The following ASAP1 variants were observed in gnomAD, a reference collection of about 807,000 sequenced individuals.
ASAP1 encodes arf-GAP with SH3 domain, ANK repeat and PH domain-containing protein 1.
In ASAP1, 43 loss-of-function variants were observed where a neutral mutation model predicts 145.2. That is an observed-to-expected ratio of 0.30 (90% CI 0.23 to 0.38). ASAP1 has a LOEUF of 0.38. ASAP1 is among the 10% of genes least tolerant of loss of function. The pLI is 1.00. For missense variants in ASAP1, 1,018 were observed against 1,355.3 expected (o/e 0.75, Z 3.91); for synonymous variants, 546 against 515.5 (o/e 1.06, Z -0.80).
At chr8:130,094,666 GGGATAA>G (rs1451305979) in intron 24 of ASAP1, among the ~76,000 whole-genome samples, 1 of 152,178 alleles carries the variant, frequency 6.6e-6, no homozygotes, top group Middle Eastern at 3.2e-3. Context: ...GGGCAGAGCT[GGGATAA>G]GGCAGGTGTC....
intron 9 of ASAP1, among the ~76,000 whole-genome samples, chr8:130,175,146 T>C (rs756670577): frequency 5.7e-4 from 87 of 152,168 alleles, no homozygotes; most frequent in Non-Finnish European, 1.1e-3. Context: ...TGCTATTTCA[T>C]TGAGGTTTTG....
chr8:130,107,546 G>T (rs151230266), intron 24 of ASAP1, among the ~76,000 whole-genome samples: 92 of 143,608 alleles, frequency 6.4e-4, no homozygotes, highest in African/African-American at 2.0e-3. Context: ...ATGTATGTAT[G>T]TATGTATGTA....
At chr8:130,279,157 GA>G (rs1187285465) in intron 3 of ASAP1, among the ~76,000 whole-genome samples, 3 of 151,704 alleles carry the variant, frequency 2.0e-5, no homozygotes, top group African/African-American at 7.3e-5. Context: ...ACAGAGAGGG[GA>G]AAAAAAATGA....
At chr8:130,110,854 T>C (rs934042570) in intron 24 of ASAP1, among the ~76,000 whole-genome samples, 4 of 152,152 alleles carry the variant, frequency 2.6e-5, no homozygotes, top group South Asian at 4.1e-4. Flanking sequence ...GTGATTCAAA[T>C]AGGCATGGCA....
intron 4 of ASAP1, among the ~76,000 whole-genome samples, chr8:130,216,722 C>A (rs2136453160): frequency 6.6e-6 from 1 of 152,236 alleles, no homozygotes; most frequent in Admixed American, 6.5e-5. Context: ...TATCCCCAGC[C>A]CAGAAAAACC....
At chr8:130,120,118 A>C (rs2097563316) in intron 18 of ASAP1, among the ~76,000 whole-genome samples, 1 of 152,224 alleles carries the variant, frequency 6.6e-6, no homozygotes, top group Non-Finnish European at 1.5e-5. Context: ...AGAAGAGACC[A>C]ACTGATTCTA....
intron 3 of ASAP1, among the ~76,000 whole-genome samples, chr8:130,326,668 A>G (rs545259254): frequency 7.2e-5 from 11 of 152,250 alleles, no homozygotes; most frequent in Non-Finnish European, 1.6e-4. Flanking sequence ...GCAACAACAA[A>G]TAAATGTAAA....
intron 24 of ASAP1, among the ~76,000 whole-genome samples, chr8:130,111,555 A>G (rs1033791685): frequency 5.3e-5 from 8 of 152,226 alleles, no homozygotes; most frequent in Admixed American, 1.3e-4. Flanking sequence ...TTTTGAGATG[A>G]TTACAAAAGA....
chr8:130,095,822 T>C (rs2097516443), intron 24 of ASAP1, among the ~76,000 whole-genome samples: 2 of 152,114 alleles, frequency 1.3e-5, no homozygotes, highest in South Asian at 4.1e-4. Flanking sequence ...TTTCACCATG[T>C]TGGCCAGGCT....
intron 26 of ASAP1, among the ~76,000 whole-genome samples, chr8:130,077,527 GC>G (rs2097465645): frequency 2.1e-5 from 3 of 142,592 alleles, no homozygotes; most frequent in Non-Finnish European, 4.5e-5. Context: ...GTTGGTTGCT[GC>G]TGCTGCTGCT....
At chr8:130,055,297 G>GA (rs550577973) in intron 29 of ASAP1, among the ~76,000 whole-genome samples, 3,984 of 74,308 alleles carry the variant, frequency 0.054, 115 homozygotes, top group African/African-American at 0.13. Flanking sequence ...ATTTAAAAAA[G>GA]AAAAAAAAAA....
At chr8:130,244,065 T>C (rs1818704079) in intron 3 of ASAP1, among the ~76,000 whole-genome samples, 2 of 152,164 alleles carry the variant, frequency 1.3e-5, no homozygotes, top group African/African-American at 4.8e-5. Context: ...TGTTAGTCAC[T>C]GATCTGGCTG....
At chr8:130,403,298 T>TC (rs1356891419) in intron 1 of ASAP1, among the ~76,000 whole-genome samples, 28 of 129,742 alleles carry the variant, frequency 2.2e-4, no homozygotes, top group African/African-American at 8.4e-4. Context: ...AAGTGTTTTT[T>TC]TTTAAAAAAC....
At chr8:130,187,084 G>A in intron 7 of ASAP1, 152 bp downstream of exon 7, 1 of 641,598 alleles carries the variant, frequency 1.6e-6, no homozygotes, top group East Asian at 2.8e-5. Flanking sequence ...GCCCTAATAA[G>A]GATATGCTAG....
At chr8:130,307,545 T>C (rs1412647887) in intron 3 of ASAP1, among the ~76,000 whole-genome samples, 1 of 152,032 alleles carries the variant, frequency 6.6e-6, no homozygotes, top group East Asian at 1.9e-4. Context: ...CTGCCTCTAG[T>C]TTTTCTCTTA....
intron 3 of ASAP1, among the ~76,000 whole-genome samples, chr8:130,297,266 C>T (rs994130685): frequency 6.6e-6 from 1 of 152,210 alleles, no homozygotes; most frequent in Non-Finnish European, 1.5e-5. Flanking sequence ...GCATCAAAAT[C>T]TGTGTATACT....
At chr8:130,231,260 G>C (rs7018391) in intron 4 of ASAP1, among the ~76,000 whole-genome samples, 24,859 of 152,110 alleles carry the variant, frequency 0.16, 2,287 homozygotes, top group African/African-American at 0.23. Flanking sequence ...AAAAATGTAA[G>C]GAAATGAGAA....
intron 2 of ASAP1, 93 bp downstream of exon 2, chr8:130,401,791 GT>G: frequency 8.5e-7 from 1 of 1,182,334 alleles, no homozygotes; most frequent in Non-Finnish European, 1.2e-6. Flanking sequence ...CAGTGCTTGT[GT>G]TTGATAAAAT....
intron 14 of ASAP1, 53 bp downstream of exon 14, chr8:130,136,898 G>T: frequency 7.0e-7 from 1 of 1,432,280 alleles, no homozygotes; most frequent in South Asian, 1.1e-5. Context: ...GAATGGAAAT[G>T]TGCAGGTGTC....
Sources: allele counts gnomAD v4.1 joint callset (sites outside exome capture counted in the v4.1 genomes callset), GRCh38; gene constraint gnomAD v4.1.1; transcripts MANE v1.5; gene names NCBI Gene and HGNC (gene_info 2026-07-23, HGNC 2026-07-21).